Variants in BICD2 observed in about 807,000 individuals in gnomAD.
BICD2 encodes BICD cargo adaptor 2.
Under a neutral mutation model 72.9 loss-of-function variants are expected in BICD2, and 25 were observed. That is an observed-to-expected ratio of 0.34 (90% CI 0.25 to 0.48). The LOEUF is 0.48. Ranked by LOEUF, BICD2 falls within the 20% of genes least tolerant of loss-of-function variation. The pLI is 0.99. For synonymous variants in BICD2, 501 were observed against 516.1 expected (o/e 0.97, Z 0.40); for missense variants, 894 against 1,175.2 (o/e 0.76, Z 3.50).
rs772514098 is a variant in BICD2 at position 92,718,687 on chromosome 9, C to T, written c.1958G>A (p.Arg653His). The T allele has an allele frequency of 4.3e-6, 7 of 1,614,112 alleles. No homozygotes were observed. Among genetic ancestry groups the T allele is most frequent in the Admixed American group, 1.7e-5 (1 of 60,028 alleles). ...CAGCTCCTGAGAGGCAATGCGCTGG[C>T]GTGACAGCTCCGTGGTGCGGTCCAC... The part of the protein sequence containing the change: ...AAVDRTTELS[R>H]QRIASQELGP... The change falls in exon 5 of 7, where the codon CGC (arginine) becomes CAC (histidine). Residue 653 changes from arginine to histidine, a missense_variant. Transcript: ENST00000356884.
At chr9:92,736,317 CA>C (rs1420944386) in intron 1 of BICD2, among the ~76,000 whole-genome samples, 2 of 152,150 alleles carry the variant, frequency 1.3e-5, no homozygotes, top group African/African-American at 4.8e-5. Context: ...AATACATTAG[CA>C]TGTTAAAAGA....
Position 92,755,703 on chromosome 9 carries a change from A to C in BICD2, c.240+8802T>G, listed in dbSNP as rs371939206. On this transcript the variant is annotated intron_variant, in intron 1 of 6. Coordinates refer to ENST00000356884, the MANE Select transcript of BICD2 (RefSeq NM_001003800.2). ...CAAGGAATCCCCTAGGCTTATGGAC[A>C]TGCTTGTCATCAACCAGCCCTTACA... 1.2e-4 allele frequency among the ~76,000 whole-genome samples: 18 copies of C among 152,238 alleles called. No homozygotes were observed. In the East Asian group the frequency reaches 2.7e-3, roughly 23 times the overall value.
intron 1 of BICD2, among the ~76,000 whole-genome samples, chr9:92,734,267 T>C (rs188993487): frequency 5.3e-5 from 8 of 152,170 alleles, no homozygotes; most frequent in Admixed American, 5.2e-4. Context: ...ATCCCAGCAA[T>C]GTGGGAGGCC....
At chr9:92,725,145 TACCATTAGG>T (rs1210811812) in intron 2 of BICD2, among the ~76,000 whole-genome samples, 1 of 152,176 alleles carries the variant, frequency 6.6e-6, no homozygotes, top group Non-Finnish European at 1.5e-5. Context: ...AGATGCCTCA[TACCATTAGG>T]GTCCCCCAGA....
At chr9:92,733,158 C>T (rs1304185412) in intron 1 of BICD2, among the ~76,000 whole-genome samples, 1 of 152,206 alleles carries the variant, frequency 6.6e-6, no homozygotes, top group African/African-American at 2.4e-5. Flanking sequence ...CAGAGACCAA[C>T]GGGATAGAAT....
chr9:92,757,596 CGGG>C (rs1038638105), intron 1 of BICD2, among the ~76,000 whole-genome samples: 1 of 14,740 alleles, frequency 6.8e-5, no homozygotes, highest in East Asian at 1.1e-3. Flanking sequence ...TGCGGGGGGG[CGGG>C]GGGGAGCTGA....
chr9:92,724,328 T>C (rs1853523116), intron 2 of BICD2, among the ~76,000 whole-genome samples: 1 of 152,120 alleles, frequency 6.6e-6, no homozygotes, highest in African/African-American at 2.4e-5. Flanking sequence ...AAAACGATCA[T>C]ACTGGCAAAA....
At position 92,729,105 on chromosome 9, in the gene BICD2, C is replaced by A. The variant is rs1490576971; in HGVS notation, c.372G>T (p.Glu124Asp). Residue 124 changes from glutamate to aspartate, a missense_variant, in exon 2 of 7, where the codon GAG (glutamate) becomes GAT (aspartate). Physicochemically the swap from Glu to Asp is conservative, Grantham distance 45 (BLOSUM62 2). This residue lies in a region of BICD2 where 192 missense variants were observed against 243.6 expected (regional missense o/e 0.79). Transcript: ENST00000356884. ...YVRKVLELQT[E>D]LKQLRNVLTN... ...TGAGGACATTGCGCAACTGCTTCAGCTCCGTCTGCAGCTCTAGCACCTTCC... is the reference window on the plus strand; with the variant it reads ...TGAGGACATTGCGCAACTGCTTCAGATCCGTCTGCAGCTCTAGCACCTTCC... The A allele has an allele frequency of 2.5e-6, 4 of 1,614,134 alleles. No homozygotes were observed. The highest frequency in any genetic ancestry group is 3.4e-6 in the Non-Finnish European group (4 of 1,180,054).
At chr9:92,741,320 A>C (rs1459695348) in intron 1 of BICD2, among the ~76,000 whole-genome samples, 1 of 152,234 alleles carries the variant, frequency 6.6e-6, no homozygotes, top group Non-Finnish European at 1.5e-5. Context: ...ATTCACTGTG[A>C]TCAGAAGACC....
intron 1 of BICD2, among the ~76,000 whole-genome samples, chr9:92,747,438 G>A (rs888504789): frequency 2.0e-5 from 3 of 152,178 alleles, no homozygotes; most frequent in Non-Finnish European, 2.9e-5. Flanking sequence ...GTCCTGACCT[G>A]CATCTCTTTC....
chr9:92,732,294 G>A (rs1853693307), intron 1 of BICD2, among the ~76,000 whole-genome samples: 1 of 152,120 alleles, frequency 6.6e-6, no homozygotes, highest in Non-Finnish European at 1.5e-5. Context: ...ACAAAAGCAA[G>A]ACTCAAACAG....
chr9:92,726,950 C>A (rs1450954182), intron 2 of BICD2, among the ~76,000 whole-genome samples: 1 of 152,180 alleles, frequency 6.6e-6, no homozygotes, highest in African/African-American at 2.4e-5. Flanking sequence ...GCAGAATGTG[C>A]TGGGCTGGGG....
chr9:92,713,577 G>C lies in BICD2; in HGVS notation c.*1577C>G, dbSNP rs1486890754. 3 of 1,542,088 alleles carry C rather than the reference G, an allele frequency of 1.9e-6. No individual in the cohort carries two copies. The highest frequency in any genetic ancestry group is 2.6e-6 in the Non-Finnish European group (3 of 1,141,376). On this transcript the variant is annotated 3_prime_UTR_variant, in exon 7 of 7. Transcript: ENST00000356884. ...CGCGAGCACGTTAGTTGGCAGAAGA[G>C]AAGACCTGCATGTGTTAGCAGGGGT... is the stretch of plus-strand genomic sequence containing the variant.
At chr9:92,745,662 C>T (rs1587685879) in intron 1 of BICD2, among the ~76,000 whole-genome samples, 2 of 152,314 alleles carry the variant, frequency 1.3e-5, no homozygotes, top group Non-Finnish European at 2.9e-5. Context: ...CCCAAGGCAT[C>T]GCTGCACTTC....
intron 1 of BICD2, among the ~76,000 whole-genome samples, chr9:92,757,008 G>C (rs1854272902): frequency 6.6e-6 from 1 of 152,134 alleles, no homozygotes; most frequent in African/African-American, 2.4e-5. Flanking sequence ...AGTATGAAAG[G>C]GGACAGGACA....
At chr9:92,722,635 C>A (rs1208940410) in intron 3 of BICD2, 21 bp downstream of exon 3, 2 of 1,613,800 alleles carry the variant, frequency 1.2e-6, no homozygotes, top group African/African-American at 1.3e-5. Flanking sequence ...GCCACCTCCA[C>A]CCCACAGGCC....
intron 1 of BICD2, among the ~76,000 whole-genome samples, chr9:92,753,702 C>T (rs1854195900): frequency 6.6e-6 from 1 of 151,714 alleles, no homozygotes; most frequent in African/African-American, 2.4e-5. Context: ...CCAAGGCCGG[C>T]TAATTTTTTT....
chr9:92,734,513 CAAAAAAAA>C (rs34489248), intron 1 of BICD2, among the ~76,000 whole-genome samples: 1 of 106,954 alleles, frequency 9.3e-6, no homozygotes, highest in Non-Finnish European at 1.8e-5. Flanking sequence ...GACCCTGTCT[CAAAAAAAA>C]AAAAAAAAAA....
chr9:92,714,917 C>G lies in BICD2; in HGVS notation c.*237G>C, dbSNP rs997022783. ...TGTGCAGCTCTATCCCCACCTCTGA[C>G]CCCCACCTAAGAGAGCAGCTGAGGA... On this transcript the variant is annotated 3_prime_UTR_variant, in exon 7 of 7. Transcript: ENST00000356884. The G allele has an allele frequency of 1.6e-5, 22 of 1,347,918 alleles. No homozygotes were observed. In the Admixed American group the frequency reaches 7.4e-4, roughly 45 times the overall value. The allele number at this position is 1,347,918 out of a possible 1,614,324, so 83.5% of individuals were successfully genotyped here.
Sources: allele counts gnomAD v4.1 joint callset (sites outside exome capture counted in the v4.1 genomes callset), GRCh38; gene constraint gnomAD v4.1.1; regional missense constraint gnomAD v4.1.1; transcripts MANE v1.5; gene names NCBI Gene and HGNC (gene_info 2026-07-23, HGNC 2026-07-21).